Variants in SPATA22 observed in about 807,000 individuals in gnomAD.
SPATA22 encodes the protein spermatogenesis-associated protein 22.
In SPATA22, 29 loss-of-function variants were observed where a neutral mutation model predicts 47.8. The observed-to-expected ratio is 0.61, with a 90% CI of 0.45 to 0.83. SPATA22 has a LOEUF of 0.83. Among genes scored for constraint, SPATA22 ranks in the 40% least tolerant of loss-of-function variants. SPATA22 has a pLI of 0.00. For synonymous variants in SPATA22, 133 were observed against 140.9 expected (o/e 0.94, Z 0.40); for missense variants, 410 against 421.7 (o/e 0.97, Z 0.24).
upstream of SPATA22, chr17:3,476,101 C>G: frequency 5.3e-6 from 8 of 1,500,350 alleles, no homozygotes; most frequent in Non-Finnish European, 7.4e-6. Flanking sequence ...TTAAGAAAAT[C>G]GAATTTCCTT....
intron 5 of SPATA22, among the ~76,000 whole-genome samples, chr17:3,460,287 T>C (rs907084344): frequency 3.9e-5 from 6 of 152,300 alleles, no homozygotes; most frequent in African/African-American, 1.2e-4. Flanking sequence ...GAAATGGCTT[T>C]TTTCTGTTCA....
rs538452438 is a variant in SPATA22 at position 3,441,972 on chromosome 17, G to C, written c.900+1202C>G. ...ATGAATTGATGACATTAAAAGTCAG[G>C]CTAGTGGTTACCTGTAAGTAGAAGA... On this transcript the variant is annotated intron_variant, in intron 8 of 8. Coordinates refer to ENST00000572969, the MANE Select transcript of SPATA22 (RefSeq NM_001170698.2). 1.4e-4 allele frequency: 22 copies of C among 152,076 alleles called. No homozygotes were observed. The South Asian group carries it at 4.6e-3, about 32-fold the overall frequency. The allele number at this position is 152,076 out of a possible 1,614,324, so 9.4% of individuals were successfully genotyped here.
Position 3,471,801 on chromosome 17 carries a change from C to T in SPATA22, c.-193G>A, listed in dbSNP as rs62071294. On this transcript the variant is annotated 5_prime_UTR_variant, in exon 1 of 9. Transcript: ENST00000572969. ...CAGCAACCGCCGCCCTTCCCGCCCGCGAAGAAAGCGCGGGAATCAGGCTGT... is the reference window on the plus strand; with the variant it reads ...CAGCAACCGCCGCCCTTCCCGCCCGTGAAGAAAGCGCGGGAATCAGGCTGT... 9 of 985,262 alleles carry T rather than the reference C, an allele frequency of 9.1e-6. No individual in the cohort carries two copies. The South Asian group carries it at 1.9e-4, about 21-fold the overall frequency. The allele number at this position is 985,262 out of a possible 1,614,324, so 61.0% of individuals were successfully genotyped here. A position where few individuals can be genotyped will look rare whatever the true frequency, so the allele number is the denominator to read the frequency against.
chr17:3,471,615 T>C, intron 1 of SPATA22, 67 bp downstream of exon 1: 1 of 985,252 alleles, frequency 1.0e-6, no homozygotes, highest in Non-Finnish European at 1.2e-6. Context: ...CAGTCCGAGT[T>C]GAGACGCTCT....
intron 5 of SPATA22, among the ~76,000 whole-genome samples, chr17:3,453,436 C>G (rs1367707173): frequency 6.6e-6 from 1 of 152,142 alleles, no homozygotes; most frequent in Non-Finnish European, 1.5e-5. Flanking sequence ...GAAAAAGCAT[C>G]TGACAAAGTT....
In SPATA22 at chr17:3,513,833, C is replaced by T. The variant is rs146188912; in HGVS notation, c.-495G>A. On this transcript the variant is annotated 5_prime_UTR_variant, in exon 1 of 9. Transcript: ENST00000541913. Reference sequence around the variant, plus strand: ...GGCCAGCAGAGCCGGACTCCACCATCCCTCAAAGCCTCTCTGCACAGAGTC... The same window carrying T: ...GGCCAGCAGAGCCGGACTCCACCATTCCTCAAAGCCTCTCTGCACAGAGTC... The T allele has an allele frequency of 8.0e-4, 961 of 1,199,244 alleles. 4 individuals are homozygous for T. In the African/African-American group the frequency reaches 0.011, roughly 13 times the overall value. 74.3% of individuals were successfully genotyped at this position (1,199,244 alleles called of 1,614,324 possible). A position where few individuals can be genotyped will look rare whatever the true frequency, so the allele number is the denominator to read the frequency against.
At chr17:3,495,978 G>T (rs1014467754) in intron 1 of SPATA22, among the ~76,000 whole-genome samples, 5 of 152,198 alleles carry the variant, frequency 3.3e-5, no homozygotes, top group Admixed American at 2.6e-4. Flanking sequence ...ATGATATCAT[G>T]GCAGGCTAAA....
chr17:3,510,104 C>T (rs1016430356), intron 1 of SPATA22, among the ~76,000 whole-genome samples: 1 of 152,006 alleles, frequency 6.6e-6, no homozygotes, highest in Non-Finnish European at 1.5e-5. Context: ...TTTTCCTATT[C>T]TGTAGGTTGC....
chr17:3,489,827 C>T (rs1045251390), intron 1 of SPATA22, among the ~76,000 whole-genome samples: 1 of 152,166 alleles, frequency 6.6e-6, no homozygotes, highest in Non-Finnish European at 1.5e-5. Context: ...CTTCTTAAAA[C>T]ACACCAATCT....
intron 1 of SPATA22, among the ~76,000 whole-genome samples, chr17:3,482,915 T>C (rs1419499092): frequency 6.6e-6 from 1 of 150,484 alleles, no homozygotes; most frequent in Non-Finnish European, 1.5e-5. Flanking sequence ...GCATTAGGTA[T>C]ATCTCCTAAT....
chr17:3,441,057 G>T (rs1410020179), intron 8 of SPATA22: 1 of 152,010 alleles, frequency 6.6e-6, no homozygotes, highest in Non-Finnish European at 1.5e-5. Flanking sequence ...ATCAGAAAAA[G>T]ATTAGCCTTC....
chr17:3,462,078 C>A (rs1357642232), intron 5 of SPATA22, among the ~76,000 whole-genome samples: 1 of 152,158 alleles, frequency 6.6e-6, no homozygotes, highest in African/African-American at 2.4e-5. Context: ...TACCTTGAAG[C>A]CGGCTGTCTT....
In SPATA22 at chr17:3,499,008, T is replaced by C; in HGVS notation, c.-74+14404A>G. 1 of 1,614,234 alleles carries C rather than the reference T, an allele frequency of 6.2e-7. No homozygotes were observed. Among genetic ancestry groups the C allele is most frequent in the Non-Finnish European group, 8.5e-7 (1 of 1,180,034 alleles). ...CCCCGTGTTTGTGAATGAGGCCGCATATTACGAAAAGAAAGAAGCTTTTGC... is the reference window on the plus strand; with the variant it reads ...CCCCGTGTTTGTGAATGAGGCCGCACATTACGAAAAGAAAGAAGCTTTTGC... On this transcript the variant is annotated intron_variant, in intron 1 of 8. Coordinates refer to the SPATA22 transcript ENST00000541913.
intron 1 of SPATA22, among the ~76,000 whole-genome samples, chr17:3,489,739 C>T (rs1281943344): frequency 6.6e-6 from 1 of 152,204 alleles, no homozygotes; most frequent in East Asian, 1.9e-4. Context: ...AGGGGAAACT[C>T]TCATTACCTG....
intron 5 of SPATA22, among the ~76,000 whole-genome samples, chr17:3,461,104 C>T (rs1048202804): frequency 1.3e-5 from 2 of 152,186 alleles, no homozygotes; most frequent in African/African-American, 4.8e-5. Flanking sequence ...AGAAACAATA[C>T]AGGATGGCCA....
intron 2 of SPATA22, 94 bp downstream of exon 2, chr17:3,469,189 A>G (rs76815722): frequency 1.1e-5 from 7 of 611,290 alleles, no homozygotes; most frequent in South Asian, 2.6e-5. Flanking sequence ...TAACTGTTCA[A>G]TCTATTTTAA....
chr17:3,481,579 T>A, intron 1 of SPATA22: 2 of 1,601,062 alleles, frequency 1.2e-6, no homozygotes, highest in Non-Finnish European at 1.7e-6. Flanking sequence ...ATGTTGTTCA[T>A]CTTTTTCTTT....
intron 1 of SPATA22, among the ~76,000 whole-genome samples, chr17:3,471,208 G>A (rs917740709): frequency 4.6e-5 from 7 of 152,014 alleles, no homozygotes; most frequent in Non-Finnish European, 7.4e-5. Context: ...GGAAGGAAGG[G>A]AAAGGAAAGG....
At chr17:3,481,930 T>C (rs986473598) in intron 1 of SPATA22, 20 of 860,394 alleles carry the variant, frequency 2.3e-5, no homozygotes, top group Non-Finnish European at 3.6e-5. Flanking sequence ...ATAGCCAGGC[T>C]TGGTGGTTGG....
Sources: allele counts gnomAD v4.1 joint callset (sites outside exome capture counted in the v4.1 genomes callset), GRCh38; gene constraint gnomAD v4.1.1; transcripts MANE v1.5; gene names NCBI Gene and HGNC (gene_info 2026-07-23, HGNC 2026-07-21).